The following MAP4K3 variants were observed in gnomAD, a reference collection of about 807,000 sequenced individuals.
The protein encoded by MAP4K3 is MAPK/ERK kinase kinase kinase 3.
MAP4K3 carries 94 observed loss-of-function variants against 143.5 expected under a neutral mutation model. The observed-to-expected ratio is 0.65, with a 90% confidence interval of 0.55 to 0.78. The LOEUF is 0.78. Among genes scored for constraint, MAP4K3 ranks in the 30% least tolerant of loss-of-function variants. MAP4K3 has a pLI of 0.00. For synonymous variants in MAP4K3, 416 were observed against 347.2 expected (o/e 1.20, Z -2.20); for missense variants, 1,077 against 1,068.1 (o/e 1.01, Z -0.12).
chr2:39,415,199 G>A (rs986150150), intron 1 of MAP4K3, among the ~76,000 whole-genome samples: 1 of 152,048 alleles, frequency 6.6e-6, no homozygotes, highest in Non-Finnish European at 1.5e-5. Flanking sequence ...CAAATGAATG[G>A]GCTTCATTTT....
intron 1 of MAP4K3, among the ~76,000 whole-genome samples, chr2:39,403,005 T>G (rs1666990142): frequency 6.6e-6 from 1 of 152,086 alleles, no homozygotes; most frequent in Non-Finnish European, 1.5e-5. Flanking sequence ...ATTAAAGAAA[T>G]AAACTAAATA....
chr2:39,427,754 C>T (rs1265467566), intron 1 of MAP4K3, among the ~76,000 whole-genome samples: 2 of 152,114 alleles, frequency 1.3e-5, no homozygotes, highest in Non-Finnish European at 2.9e-5. Flanking sequence ...TACCCAAGCA[C>T]GTTAGAGAAA....
intron 4 of MAP4K3, 64 bp from the exon 5 acceptor site, chr2:39,337,645 A>C: frequency 9.3e-7 from 1 of 1,078,728 alleles, no homozygotes; most frequent in Non-Finnish European, 1.4e-6. Flanking sequence ...TATATAATAA[A>C]GTTTTACAAG....
chr2:39,349,865 A>G (rs1419154297), intron 3 of MAP4K3, among the ~76,000 whole-genome samples: 1 of 152,216 alleles, frequency 6.6e-6, no homozygotes, highest in Non-Finnish European at 1.5e-5. Context: ...TACAAAATAC[A>G]TATTTGTATC....
intron 24 of MAP4K3, among the ~76,000 whole-genome samples, chr2:39,274,711 G>T (rs1681175646): frequency 6.6e-6 from 1 of 151,952 alleles, no homozygotes; most frequent in African/African-American, 2.4e-5. Flanking sequence ...TGTGATCTTG[G>T]GTAATTTACT....
intron 13 of MAP4K3, among the ~76,000 whole-genome samples, chr2:39,310,069 A>G (rs1375060822): frequency 6.6e-6 from 1 of 152,188 alleles, no homozygotes. Context: ...AAAACAGGGT[A>G]ATTAGGATAT....
At chr2:39,372,412 T>C (rs550394052) in intron 2 of MAP4K3, among the ~76,000 whole-genome samples, 2 of 151,702 alleles carry the variant, frequency 1.3e-5, no homozygotes, top group East Asian at 3.9e-4. Flanking sequence ...ATGAATGACA[T>C]TCTTCACAAA....
intron 12 of MAP4K3, among the ~76,000 whole-genome samples, chr2:39,315,774 A>C (rs754694044): frequency 1.6e-4 from 24 of 152,142 alleles, no homozygotes; most frequent in Non-Finnish European, 2.8e-4. Flanking sequence ...GAAATTCTGA[A>C]GGGAAAGGAA....
chr2:39,358,600 G>A (rs555784468), intron 2 of MAP4K3, among the ~76,000 whole-genome samples: 1 of 152,230 alleles, frequency 6.6e-6, no homozygotes, highest in Admixed American at 6.5e-5. Flanking sequence ...CTATGTGATT[G>A]TGAGAATGGT....
At chr2:39,396,619 G>A (rs557427648) in intron 1 of MAP4K3, among the ~76,000 whole-genome samples, 139 of 150,858 alleles carry the variant, frequency 9.2e-4, no homozygotes, top group Non-Finnish European at 1.5e-3. Flanking sequence ...GACTACAGGC[G>A]CCCGCCACTA....
At chr2:39,270,721 T>C (rs376594015) in intron 26 of MAP4K3, among the ~76,000 whole-genome samples, 1 of 152,178 alleles carries the variant, frequency 6.6e-6, no homozygotes, top group Non-Finnish European at 1.5e-5. Flanking sequence ...AGTACCTATC[T>C]TCAGAATGAG....
At chr2:39,360,263 G>C (rs942764324) in intron 2 of MAP4K3, among the ~76,000 whole-genome samples, 3 of 152,156 alleles carry the variant, frequency 2.0e-5, no homozygotes, top group Non-Finnish European at 4.4e-5. Flanking sequence ...TTCTGCTCTA[G>C]TTCCCAACAG....
At chr2:39,343,173 T>G (rs970461722) in intron 4 of MAP4K3, among the ~76,000 whole-genome samples, 3 of 152,202 alleles carry the variant, frequency 2.0e-5, no homozygotes, top group Non-Finnish European at 4.4e-5. Flanking sequence ...TCTGCAGAAT[T>G]AGCAAATAAT....
At chr2:39,391,204 C>G (rs934666246) in intron 1 of MAP4K3, among the ~76,000 whole-genome samples, 1 of 150,850 alleles carries the variant, frequency 6.6e-6, no homozygotes, top group Non-Finnish European at 1.5e-5. Flanking sequence ...AAAAAACACA[C>G]AAAAATTAGC....
Position 39,288,257 on chromosome 2 carries a change from C to T in MAP4K3, c.1338G>A (p.Gln446=), listed in dbSNP as rs1229643200. The change falls in exon 20 of 34, where the codon CAG becomes CAA. Residue 446 remains glutamine, a synonymous_variant. Coordinates refer to ENST00000263881, the MANE Select transcript of MAP4K3 (RefSeq NM_003618.4). Reference sequence around the variant, plus strand: ...TTTCATCCTCAGTAGAATGCATTTCCTGTGGTATGAAGATAGACTTAGGCT... The same window carrying T: ...TTTCATCCTCAGTAGAATGCATTTCTTGTGGTATGAAGATAGACTTAGGCT... ...PPKPKSIFIP[Q]EMHSTEDENQ... The T allele has an allele frequency of 3.1e-6, 5 of 1,613,780 alleles. No homozygotes were observed. In the South Asian group the frequency reaches 4.4e-5, roughly 14 times the overall value.
At chr2:39,257,720 A>C (rs1280180425) in intron 31 of MAP4K3, among the ~76,000 whole-genome samples, 1 of 149,666 alleles carries the variant, frequency 6.7e-6, no homozygotes, top group African/African-American at 2.5e-5. Flanking sequence ...AATCACTTGA[A>C]TCCGGGAGGC....
intron 21 of MAP4K3, among the ~76,000 whole-genome samples, chr2:39,285,347 C>T (rs758317669): frequency 8.6e-5 from 13 of 151,934 alleles, no homozygotes; most frequent in Non-Finnish European, 1.6e-4. Context: ...AAAATGCATA[C>T]ATAAAAAATG....
chr2:39,296,395 C>T (rs1353973926), intron 16 of MAP4K3, among the ~76,000 whole-genome samples: 3 of 152,134 alleles, frequency 2.0e-5, no homozygotes, highest in Non-Finnish European at 4.4e-5. Context: ...TGTCACTATT[C>T]ACTAGTCCAC....
intron 13 of MAP4K3, among the ~76,000 whole-genome samples, chr2:39,311,333 C>A (rs956696466): frequency 6.6e-6 from 1 of 152,194 alleles, no homozygotes; most frequent in Non-Finnish European, 1.5e-5. Flanking sequence ...CCCGCCTCGG[C>A]CTCCTAAAGT....
Sources: allele counts gnomAD v4.1 joint callset (sites outside exome capture counted in the v4.1 genomes callset), GRCh38; gene constraint gnomAD v4.1.1; transcripts MANE v1.5; gene names NCBI Gene and HGNC (gene_info 2026-07-23, HGNC 2026-07-21).